CSMD1: variants seen among roughly 807,000 people sequenced by gnomAD.
CSMD1 encodes the protein CUB and sushi domain-containing protein 1.
Under a neutral mutation model 417.5 loss-of-function variants are expected in CSMD1, and 213 were observed. That is an observed-to-expected ratio of 0.51 (90% CI 0.46 to 0.57). The LOEUF (loss-of-function observed/expected upper bound fraction) is 0.57. Ranked by LOEUF, CSMD1 falls within the 20% of genes least tolerant of loss-of-function variation. CSMD1 has a pLI of 0.00. For synonymous variants in CSMD1, 2,862 were observed against 1,736.8 expected (o/e 1.65, Z -16.11); for missense variants, 6,923 against 4,529.7 (o/e 1.53, Z -15.17).
chr8:4,455,910 C>A (rs1799440345), intron 2 of CSMD1, among the ~76,000 whole-genome samples: 1 of 74,124 alleles, frequency 1.3e-5, no homozygotes, highest in African/African-American at 4.9e-5. Context: ...GCCTGGGTGA[C>A]AAAGTGAGAC....
intron 1 of CSMD1, among the ~76,000 whole-genome samples, chr8:4,738,659 T>C (rs1014604867): frequency 6.6e-6 from 1 of 152,146 alleles, no homozygotes; most frequent in Non-Finnish European, 1.5e-5. Flanking sequence ...GTTTCTGTCA[T>C]TTTTTGACAA....
At chr8:4,395,850 TG>T (rs1804170036) in intron 3 of CSMD1, among the ~76,000 whole-genome samples, 1 of 152,202 alleles carries the variant, frequency 6.6e-6, no homozygotes, top group South Asian at 2.1e-4. Context: ...AATGATAGCA[TG>T]AAAACCATTA....
chr8:4,588,915 G>C (rs372791603), intron 2 of CSMD1, among the ~76,000 whole-genome samples: 1 of 151,896 alleles, frequency 6.6e-6, no homozygotes, highest in African/African-American at 2.4e-5. Flanking sequence ...CTTTCACTTG[G>C]AAAAAATATA....
At chr8:3,188,791 G>C (rs1796242568) in intron 35 of CSMD1, 96 bp downstream of exon 35, 6 of 1,078,512 alleles carry the variant, frequency 5.6e-6, no homozygotes, top group Non-Finnish European at 7.4e-6. Flanking sequence ...GGGAGAGAGA[G>C]AGAGATGGAA....
At chr8:3,613,805 A>C (rs1236302429) in intron 8 of CSMD1, among the ~76,000 whole-genome samples, 2 of 151,988 alleles carry the variant, frequency 1.3e-5, no homozygotes, top group African/African-American at 2.4e-5. Flanking sequence ...AAAACCAACA[A>C]GCAATGTCAT....
chr8:4,100,789 T>C (rs1164230477), intron 3 of CSMD1, among the ~76,000 whole-genome samples: 1 of 152,144 alleles, frequency 6.6e-6, no homozygotes, highest in Non-Finnish European at 1.5e-5. Context: ...CTTTAGAGTA[T>C]GGTGCCAAAA....
At chr8:3,544,157 A>T (rs1404627274) in intron 10 of CSMD1, among the ~76,000 whole-genome samples, 1 of 152,098 alleles carries the variant, frequency 6.6e-6, no homozygotes, top group Non-Finnish European at 1.5e-5. Flanking sequence ...CATCCCTAGA[A>T]AGTTATGTAT....
At chr8:3,226,839 G>A (rs964497705) in intron 27 of CSMD1, among the ~76,000 whole-genome samples, 9 of 151,648 alleles carry the variant, frequency 5.9e-5, no homozygotes, top group Non-Finnish European at 1.3e-4. Context: ...AAGAGAGAGA[G>A]CCAGTAATGA....
chr8:3,479,669 A>T (rs1817625006), intron 11 of CSMD1, among the ~76,000 whole-genome samples: 2 of 152,224 alleles, frequency 1.3e-5, no homozygotes, highest in African/African-American at 4.8e-5. Context: ...AAATATAAAT[A>T]GTACCTAGCA....
At chr8:3,319,366 A>G (rs1416458332) in intron 23 of CSMD1, among the ~76,000 whole-genome samples, 1 of 152,204 alleles carries the variant, frequency 6.6e-6, no homozygotes, top group Non-Finnish European at 1.5e-5. Context: ...TACACAAAGA[A>G]TTTGGTATAA....
chr8:4,088,721 G>A (rs1206889511), intron 3 of CSMD1, among the ~76,000 whole-genome samples: 7 of 151,892 alleles, frequency 4.6e-5, no homozygotes, highest in African/African-American at 1.7e-4. Flanking sequence ...CCAAAGCTCT[G>A]CAGGGACTTC....
chr8:4,126,563 G>T (rs983868691), intron 3 of CSMD1, among the ~76,000 whole-genome samples: 24 of 152,290 alleles, frequency 1.6e-4, no homozygotes, highest in African/African-American at 5.1e-4. Flanking sequence ...ACAATTGTGG[G>T]ATGGAGACTG....
Position 3,199,753 on chromosome 8 carries a change from T to C in CSMD1, c.5155A>G (p.Ser1719Gly). ...TGGAAGCCGCGGGCAGAGGCACCGC[T>C]CTTTGCACTGAATCGGAGCAGAATT... ...NQILLRFSAKSGASARGFHFV... is the reference protein window; with the variant it reads ...NQILLRFSAKGGASARGFHFV... The change falls in exon 33 of 70, where the codon AGC (serine) becomes GGC (glycine). Residue 1719 changes from serine (S) to glycine (G), a missense_variant. Transcript: ENST00000635120. The C allele has an allele frequency of 6.3e-7, 1 of 1,589,532 alleles. No individual in the cohort carries two copies. The highest frequency in any genetic ancestry group is 8.6e-7 in the Non-Finnish European group (1 of 1,167,644).
At chr8:4,715,845 T>C (rs1808620172) in intron 1 of CSMD1, among the ~76,000 whole-genome samples, 1 of 152,216 alleles carries the variant, frequency 6.6e-6, no homozygotes, top group Non-Finnish European at 1.5e-5. Flanking sequence ...AAGTGGACTT[T>C]GCTTGGATTA....
intron 12 of CSMD1, among the ~76,000 whole-genome samples, chr8:3,445,201 A>G (rs981425251): frequency 3.3e-5 from 5 of 152,206 alleles, no homozygotes; most frequent in African/African-American, 7.2e-5. Context: ...TTATCACCTC[A>G]TCATGAAGGA....
At chr8:3,162,137 T>G (rs766306994) in intron 38 of CSMD1, 22 bp downstream of exon 38, 1 of 1,460,338 alleles carries the variant, frequency 6.8e-7, no homozygotes, top group Non-Finnish European at 9.5e-7. Flanking sequence ...ATGTTATTCC[T>G]GAGCACTGAG....
intron 52 of CSMD1, among the ~76,000 whole-genome samples, chr8:3,003,883 G>C (rs181958000): frequency 1.7e-3 from 253 of 152,292 alleles, no homozygotes; most frequent in Non-Finnish European, 2.9e-3. Context: ...TATTTTTAAA[G>C]CATCTGTTAA....
chr8:4,186,855 G>A (rs1023785457), intron 3 of CSMD1, among the ~76,000 whole-genome samples: 141 of 151,006 alleles, frequency 9.3e-4, no homozygotes, highest in African/African-American at 3.4e-3. Context: ...AATCAGCCGG[G>A]CGTGGTGTTG....
intron 5 of CSMD1, among the ~76,000 whole-genome samples, chr8:3,887,517 G>C (rs1806646490): frequency 2.6e-5 from 4 of 152,166 alleles, no homozygotes; most frequent in Admixed American, 2.0e-4. Flanking sequence ...GCCTGTTTTT[G>C]TAAACATGAA....
Sources: gnomAD v4.1 joint callset for allele counts (sites outside exome capture counted in the v4.1 genomes callset) on GRCh38, gnomAD v4.1.1 for gene constraint, MANE v1.5 for transcripts, NCBI Gene and HGNC (gene_info 2026-07-23, HGNC 2026-07-21) for gene names.